PVT1: variants seen among roughly 807,000 people sequenced by gnomAD.
The protein encoded by PVT1 is Pvt1 oncogene.
chr8:127,968,567 C>A (rs1370558924), intron 3 of PVT1, among the ~76,000 whole-genome samples: 1 of 152,114 alleles, frequency 6.6e-6, no homozygotes, highest in Non-Finnish European at 1.5e-5. Flanking sequence ...CAATGAGAGG[C>A]CTGGCTTAGG....
intron 5 of PVT1, among the ~76,000 whole-genome samples, chr8:128,074,786 A>G (rs905987660): frequency 2.0e-5 from 3 of 152,192 alleles, no homozygotes; most frequent in Non-Finnish European, 4.4e-5. Context: ...ATTCAAATCA[A>G]ATGCTTGAGA....
chr8:127,982,117 G>A lies in PVT1; in HGVS notation n.783-7045G>A, dbSNP rs151303190. Among the ~76,000 whole-genome samples the A allele has an allele frequency of 1.4e-4, 22 of 152,204 alleles. No homozygotes were observed. The East Asian group carries it at 4.0e-3, about 28-fold the overall frequency. On this transcript the variant is annotated intron_variant and non_coding_transcript_variant, in intron 3 of 10. Transcript: ENST00000651587. ...CGTGGTTTCTTGAAATGTAAGATGG[G>A]GATAATGTGAGCACCTACCCACCTT...
rs568670687 is a variant in PVT1, at chr8:128,011,097, C to T, written n.912+21806C>T. Reference sequence around the variant, plus strand: ...CTCTGGCTCATTCTGTCTTAAGGTGCGGGGACCTCTAAAATGTAGATGGCA... The same window carrying T: ...CTCTGGCTCATTCTGTCTTAAGGTGTGGGGACCTCTAAAATGTAGATGGCA... On this transcript the variant is annotated intron_variant and non_coding_transcript_variant, in intron 4 of 10. Coordinates refer to ENST00000651587, the Ensembl canonical transcript of PVT1. Among the ~76,000 whole-genome samples, 7 of 152,162 alleles carry T rather than the reference C, an allele frequency of 4.6e-5. No individual in the cohort carries two copies. The South Asian group carries it at 6.2e-4, about 14-fold the overall frequency.
chr8:127,950,258 GT>G (rs1768176352), intron 3 of PVT1, among the ~76,000 whole-genome samples: 1 of 152,220 alleles, frequency 6.6e-6, no homozygotes, highest in Admixed American at 6.5e-5. Flanking sequence ...AAGTCCTGGG[GT>G]TAGCACCCAA....
In PVT1 at chr8:128,064,208, G is replaced by A. The variant is rs1813871258; in HGVS notation, n.913-5952G>A. Among the ~76,000 whole-genome samples the A allele has an allele frequency of 3.3e-5, 5 of 152,182 alleles. No homozygotes were observed. In the South Asian group the frequency reaches 1.0e-3, roughly 31 times the overall value. On this transcript the variant is annotated intron_variant and non_coding_transcript_variant, in intron 4 of 10. Transcript: ENST00000651587. ...TATGCTAGAAATATTAACTCCTCCT[G>A]TAAATCACCAGAGGGGATGCAGTCT...
At chr8:128,097,176 C>A (rs190415102) in intron 6 of PVT1, among the ~76,000 whole-genome samples, 48 of 152,322 alleles carry the variant, frequency 3.2e-4, no homozygotes, top group African/African-American at 1.2e-3. Context: ...GCCTGGCCAA[C>A]ATGGCGAAAC....
At chr8:128,053,734 C>T (rs751111810) in intron 4 of PVT1, among the ~76,000 whole-genome samples, 8 of 152,150 alleles carry the variant, frequency 5.3e-5, no homozygotes, top group Non-Finnish European at 1.2e-4. Context: ...TGCCAGTGCT[C>T]CTAATTAATT....
At chr8:128,010,250 G>T (rs1817297275) in intron 4 of PVT1, 1 of 152,130 alleles carries the variant, frequency 6.6e-6, no homozygotes, top group Non-Finnish European at 1.5e-5. Flanking sequence ...TCTCCAAATT[G>T]TTAAAACTCC....
At chr8:128,013,330 TCATTGTAATAGCTG>T (rs930577837) in intron 4 of PVT1, among the ~76,000 whole-genome samples, 16 of 152,248 alleles carry the variant, frequency 1.1e-4, no homozygotes, top group African/African-American at 3.4e-4. Flanking sequence ...GGTGTTGTTA[TCATTGTAATAGCTG>T]CATGTGTGTG....
intron 4 of PVT1, among the ~76,000 whole-genome samples, chr8:128,065,301 C>T (rs1813891666): frequency 6.6e-6 from 1 of 152,112 alleles, no homozygotes; most frequent in Admixed American, 6.6e-5. Flanking sequence ...AAGGGATTCT[C>T]ATGCCTCAGC....
chr8:127,932,941 A>G (rs1463597001), intron 3 of PVT1, among the ~76,000 whole-genome samples: 2 of 152,206 alleles, frequency 1.3e-5, no homozygotes, highest in African/African-American at 2.4e-5. Context: ...GGATTTATCT[A>G]TAGCAATTTG....
At chr8:127,934,501 G>A (rs935403023) in intron 3 of PVT1, among the ~76,000 whole-genome samples, 2 of 152,180 alleles carry the variant, frequency 1.3e-5, no homozygotes, top group Admixed American at 6.5e-5. Context: ...CGCTGAAATA[G>A]GTTTGCCAAA....
At chr8:127,872,024 G>A (rs777192033) in intron 2 of PVT1, among the ~76,000 whole-genome samples, 15 of 152,196 alleles carry the variant, frequency 9.9e-5, no homozygotes, top group Non-Finnish European at 1.6e-4. Flanking sequence ...GCCGGGAGGC[G>A]GAGGTTGCAG....
At chr8:127,907,881 A>G (rs959409) in intron 3 of PVT1, among the ~76,000 whole-genome samples, 19,386 of 152,024 alleles carry the variant, frequency 0.13, 3,825 homozygotes, top group African/African-American at 0.42. Flanking sequence ...CTGAAGAAAT[A>G]AGAAAGTGCT....
At chr8:127,804,009 G>T (rs868337077) in intron 2 of PVT1, among the ~76,000 whole-genome samples, 2 of 152,106 alleles carry the variant, frequency 1.3e-5, no homozygotes, top group African/African-American at 4.8e-5. Context: ...ATGAGCCACT[G>T]CACCTGGCCT....
At chr8:127,911,281 G>A (rs1815894483) in intron 3 of PVT1, among the ~76,000 whole-genome samples, 1 of 152,136 alleles carries the variant, frequency 6.6e-6, no homozygotes, top group African/African-American at 2.4e-5. Flanking sequence ...AGTTTTCCTG[G>A]GCCTGTGTCA....
At chr8:127,817,536 T>TTAA (rs1814679229) in intron 2 of PVT1, among the ~76,000 whole-genome samples, 18 of 50,444 alleles carry the variant, frequency 3.6e-4, no homozygotes, top group Admixed American at 9.6e-4. Flanking sequence ...TAAATATATA[T>TTAA]ATATATATAT....
At chr8:127,863,305 T>A (rs1391196189) in intron 2 of PVT1, among the ~76,000 whole-genome samples, 4 of 151,736 alleles carry the variant, frequency 2.6e-5, no homozygotes, top group African/African-American at 9.7e-5. Context: ...AGAGATGGGG[T>A]TTCACTATGT....
rs189854454 is a variant in PVT1 at position 128,053,921 on chromosome 8, C to A, written n.913-16239C>A. Among the ~76,000 whole-genome samples the A allele has an allele frequency of 1.6e-4, 25 of 152,294 alleles. No homozygotes were observed. The East Asian group carries it at 4.8e-3, about 29-fold the overall frequency. ...CTGACAGGGCCCTCTGATCTTCCTG[C>A]ATACAATGGATTGCAGGGAAAAAGA... On this transcript the variant is annotated intron_variant and non_coding_transcript_variant, in intron 4 of 10. Coordinates refer to ENST00000651587, the Ensembl canonical transcript of PVT1.
Sources: allele counts gnomAD v4.1 joint callset (sites outside exome capture counted in the v4.1 genomes callset), GRCh38; gene constraint gnomAD v4.1.1; transcripts MANE v1.5; gene names NCBI Gene and HGNC (gene_info 2026-07-23, HGNC 2026-07-21).